IAH1: variants seen among roughly 807,000 people sequenced by gnomAD.
IAH1 encodes the protein isoamyl acetate hydrolyzing esterase 1 (putative).
Under a neutral mutation model 26.7 loss-of-function variants are expected in IAH1, and 24 were observed. The ratio of observed to expected loss-of-function variants is 0.90; its 90% CI spans 0.65 to 1.26. The LOEUF is 1.26. Ranked by LOEUF, IAH1 falls within the 50% of genes most tolerant of loss-of-function variation. IAH1 has a pLI of 0.00. For missense variants in IAH1, 300 were observed against 299.9 expected (o/e 1.00, Z 0.00); for synonymous variants, 140 against 118.5 (o/e 1.18, Z -1.18).
the IAH1 span, among the ~76,000 whole-genome samples, chr2:9,507,534 AACAT>A: frequency 6.6e-6 from 1 of 152,152 alleles, no homozygotes; most frequent in African/African-American, 2.4e-5. Flanking sequence ...AAATAAATAA[AACAT>A]AGAAGATGCA....
chr2:9,492,938 AAGG>A (rs746768799), downstream of IAH1: 2 of 1,613,224 alleles, frequency 1.2e-6, no homozygotes, highest in Non-Finnish European at 1.7e-6. Flanking sequence ...CCAAAATATC[AAGG>A]AGAAAACCAG....
rs1281278357 is a variant in IAH1, at chr2:9,489,130, T to C, written c.*801T>C. On this transcript the variant is annotated 3_prime_UTR_variant, in exon 6 of 6. Transcript: ENST00000497473. ...GGTAGTATTCTATCTCCTGGCTGGC[T>C]CATCACATTCAAAACAACCTGTTTT... 1 of 148,950 alleles carries C rather than the reference T, an allele frequency of 6.7e-6. No individual in the cohort carries two copies. Among genetic ancestry groups the C allele is most frequent in the Non-Finnish European group, 1.5e-5 (1 of 67,108 alleles). The allele number at this position is 148,950 out of a possible 1,614,324, so 9.2% of individuals were successfully genotyped here.
downstream of IAH1, chr2:9,489,746 A>AC (rs1661947278): frequency 7.0e-6 from 1 of 143,042 alleles, no homozygotes; most frequent in South Asian, 2.2e-4. Flanking sequence ...AAAAAAAAAA[A>AC]AAACTATTCC....
downstream of IAH1, among the ~76,000 whole-genome samples, chr2:9,493,349 A>G (rs1242679420): frequency 6.6e-6 from 1 of 152,202 alleles, no homozygotes; most frequent in East Asian, 1.9e-4. Context: ...TGACAACATG[A>G]TATACCCTGC....
downstream of IAH1, chr2:9,494,624 C>T (rs1344174752): frequency 1.2e-6 from 2 of 1,612,956 alleles, no homozygotes; most frequent in Non-Finnish European, 1.7e-6. Context: ...AAAAGCTGTA[C>T]ATAAATACTC....
intron 2 of IAH1, 80 bp downstream of exon 2, chr2:9,476,119 T>A: frequency 8.2e-7 from 1 of 1,212,482 alleles, no homozygotes. Context: ...AGGATAGTTC[T>A]GAACAGAACA....
chr2:9,478,424 A>AC, intron 3 of IAH1, 54 bp downstream of exon 3: 2 of 1,478,784 alleles, frequency 1.4e-6, no homozygotes, highest in Non-Finnish European at 1.8e-6. Flanking sequence ...TTTATGTTAC[A>AC]GCAAACTTGC....
At chr2:9,480,688 T>C (rs1309218243) in intron 3 of IAH1, among the ~76,000 whole-genome samples, 2 of 152,212 alleles carry the variant, frequency 1.3e-5, no homozygotes, top group African/African-American at 4.8e-5. Flanking sequence ...TACTTACATG[T>C]GGTTAGCAAA....
At chr2:9,478,659 C>T (rs551793776) in intron 3 of IAH1, among the ~76,000 whole-genome samples, 1 of 152,314 alleles carries the variant, frequency 6.6e-6, no homozygotes, top group Admixed American at 6.5e-5. Context: ...TTAGTTGATG[C>T]ATTTGGCAGC....
chr2:9,483,618 C>T (rs1022745855), intron 4 of IAH1, among the ~76,000 whole-genome samples: 4 of 152,112 alleles, frequency 2.6e-5, no homozygotes, highest in Non-Finnish European at 4.4e-5. Context: ...GTCCGCCTCT[C>T]GCCAGCCCTC....
intron 4 of IAH1, among the ~76,000 whole-genome samples, chr2:9,484,013 A>G (rs1661334785): frequency 6.6e-6 from 1 of 152,246 alleles, no homozygotes; most frequent in Non-Finnish European, 1.5e-5. Context: ...GTAAGAAGCC[A>G]GCGGTGTCAG....
At chr2:9,503,622 C>T in the IAH1 span, among the ~76,000 whole-genome samples, 2 of 152,002 alleles carry the variant, frequency 1.3e-5, no homozygotes, top group Non-Finnish European at 2.9e-5. Context: ...AGGCAGATCA[C>T]GAAGTCAGGA....
At chr2:9,479,795 C>CTTTTTGTTTTTTTTTTTTTT (rs1661051066) in intron 3 of IAH1, among the ~76,000 whole-genome samples, 1 of 69,848 alleles carries the variant, frequency 1.4e-5, no homozygotes, top group East Asian at 1.2e-3. Context: ...CTGTGTATTG[C>CTTTTTGTTTTTTTTTTTTTT]TTTTTTTTTT....
At chr2:9,479,791 ATTGCTTTTTTTT>A (rs1661049142) in intron 3 of IAH1, among the ~76,000 whole-genome samples, 1 of 78,726 alleles carries the variant, frequency 1.3e-5, no homozygotes, top group African/African-American at 4.4e-5. Flanking sequence ...ATTTCTGTGT[ATTGCTTTTTTTT>A]TTTTTTTTTT....
Position 9,478,212 on chromosome 2 carries a change from T to C in IAH1, c.135-10T>C, listed in dbSNP as rs1366325741. The C allele has an allele frequency of 6.3e-7, 1 of 1,589,758 alleles. No individual in the cohort carries two copies. The highest frequency in any genetic ancestry group is 1.1e-5 in the South Asian group (1 of 87,548). ...CCCACAATTCATCTTTTTAAAATTT[T>C]TCGTTTCAGAAAATGTGATGTTCTG... On this transcript the variant is annotated splice_polypyrimidine_tract_variant and intron_variant, in intron 2 of 5. Coordinates refer to ENST00000497473, the MANE Select transcript of IAH1 (RefSeq NM_001039613.3).
At chr2:9,482,763 C>T (rs1212275047) in intron 4 of IAH1, among the ~76,000 whole-genome samples, 1 of 152,260 alleles carries the variant, frequency 6.6e-6, no homozygotes, top group Non-Finnish European at 1.5e-5. Context: ...TCACAAACAG[C>T]ATATGCCAAG....
Position 9,474,775 on chromosome 2 carries a change from T to C in IAH1, c.81+128T>C. The stretch of plus-strand genomic sequence containing the variant: ...TGGGCCGGAGGCCTGGCCACGCCCG[T>C]GGAGACACCGGAGGAGTGGCGGGTC... On this transcript the variant is annotated intron_variant, in intron 1 of 5. Coordinates refer to ENST00000497473, the MANE Select transcript of IAH1 (RefSeq NM_001039613.3). The surrounding 1 kb of genome is among the most constrained non-coding windows in gnomAD (Gnocchi z 4.3). 2.9e-6 allele frequency: 2 copies of C among 690,942 alleles called. No homozygotes were observed. The highest frequency in any genetic ancestry group is 2.4e-5 in the South Asian group (1 of 41,408). 42.8% of individuals were successfully genotyped at this position (690,942 alleles called of 1,614,324 possible).
chr2:9,479,200 T>C (rs1661005966), intron 3 of IAH1, among the ~76,000 whole-genome samples: 1 of 152,134 alleles, frequency 6.6e-6, no homozygotes, highest in South Asian at 2.1e-4. Flanking sequence ...ACTTTCTATC[T>C]TGTACCAAAA....
chr2:9,497,491 G>C (rs1355473926), downstream of IAH1, among the ~76,000 whole-genome samples: 3 of 152,152 alleles, frequency 2.0e-5, no homozygotes, highest in African/African-American at 4.8e-5. Flanking sequence ...TAGAATGCAT[G>C]GTCTCCACTT....
Sources: allele counts gnomAD v4.1 joint callset (sites outside exome capture counted in the v4.1 genomes callset), GRCh38; gene constraint gnomAD v4.1.1; non-coding constraint Gnocchi (gnomAD v3.1); transcripts MANE v1.5; gene names NCBI Gene and HGNC (gene_info 2026-07-23, HGNC 2026-07-21).